Variants in R3HDM1 observed in about 807,000 individuals in gnomAD.
The protein encoded by R3HDM1 is R3H domain containing 1.
A neutral mutation model predicts 141.1 loss-of-function variants in R3HDM1; 46 were observed. That is an observed-to-expected ratio of 0.33 (90% CI 0.26 to 0.42). R3HDM1 has a LOEUF of 0.42. Ranked by LOEUF, R3HDM1 falls within the 10% of genes least tolerant of loss-of-function variation. The probability of loss-of-function intolerance (pLI) is 1.00; values close to 1 mark genes in which losing one functional copy is unlikely to be tolerated. For synonymous variants in R3HDM1, 435 were observed against 472.9 expected (o/e 0.92, Z 1.04); for missense variants, 1,184 against 1,368.3 (o/e 0.87, Z 2.12).
chr2:135,590,946 G>A (rs919743057), intron 1 of R3HDM1, among the ~76,000 whole-genome samples: 1 of 152,128 alleles, frequency 6.6e-6, no homozygotes, highest in Non-Finnish European at 1.5e-5. Context: ...CTTGAGAGAG[G>A]GCTGTGATCC....
rs773772300 is a variant in R3HDM1 at position 135,639,106 on chromosome 2, C to T, written c.1203C>T (p.Gly401=). The part of the protein sequence containing the change: ...GDSSGSSKSI[G]RLSKTGSESS... ...GTTCTGGAAGCAGCAAAAGCATAGG[C>T]AGGCTTTCAAAAACAGGTATAAATA... The change falls in exon 14 of 27, where the codon GGC becomes GGT. Residue 401 remains glycine, a synonymous_variant. Transcript: ENST00000683871. 5.6e-6 allele frequency: 9 copies of T among 1,613,844 alleles called. No homozygotes were observed. Among genetic ancestry groups the T allele is most frequent in the South Asian group, 3.3e-5 (3 of 91,060 alleles).
At chr2:135,574,966 A>G (rs1705046354) in intron 1 of R3HDM1, among the ~76,000 whole-genome samples, 1 of 152,190 alleles carries the variant, frequency 6.6e-6, no homozygotes, top group Non-Finnish European at 1.5e-5. Context: ...GTATTAACCA[A>G]TATAGTTAGA....
intron 2 of R3HDM1, among the ~76,000 whole-genome samples, chr2:135,604,317 A>G (rs925920247): frequency 5.9e-5 from 9 of 152,200 alleles, no homozygotes; most frequent in Admixed American, 6.5e-5. Context: ...GGAGAAAAAG[A>G]TTTCTAATGT....
At chr2:135,670,882 A>T (rs529959029) in intron 19 of R3HDM1, among the ~76,000 whole-genome samples, 2 of 152,060 alleles carry the variant, frequency 1.3e-5, no homozygotes. Context: ...AACATGGCGA[A>T]ACCCTGAATC....
chr2:135,553,675 G>A (rs1241027220), intron 1 of R3HDM1, among the ~76,000 whole-genome samples: 1 of 152,102 alleles, frequency 6.6e-6, no homozygotes, highest in Non-Finnish European at 1.5e-5. Context: ...TGAGGTTTTT[G>A]TATGTGTTTT....
chr2:135,592,074 C>T (rs1406011294), intron 1 of R3HDM1, among the ~76,000 whole-genome samples: 2 of 152,204 alleles, frequency 1.3e-5, no homozygotes, highest in African/African-American at 4.8e-5. Context: ...AGCCTCACTT[C>T]CTTCCTTGGA....
At chr2:135,704,129 C>A (rs1346941451) in intron 21 of R3HDM1, among the ~76,000 whole-genome samples, 3 of 152,118 alleles carry the variant, frequency 2.0e-5, no homozygotes, top group Admixed American at 2.0e-4. Flanking sequence ...TACAGGCACC[C>A]ACCACCACGC....
At chr2:135,616,300 A>G (rs2061011357) in intron 4 of R3HDM1, 107 bp downstream of exon 4, 3 of 1,143,938 alleles carry the variant, frequency 2.6e-6, no homozygotes, top group African/African-American at 1.6e-5. Context: ...TCCATATTTT[A>G]TGGGGGGCAG....
intron 1 of R3HDM1, chr2:135,576,956 C>A: frequency 2.9e-6 from 1 of 347,800 alleles, no homozygotes; most frequent in Non-Finnish European, 4.0e-6. Flanking sequence ...TATGAATATA[C>A]TAAAAGCCAC....
intron 1 of R3HDM1, among the ~76,000 whole-genome samples, chr2:135,554,251 A>G (rs1700321772): frequency 6.6e-6 from 1 of 152,192 alleles, no homozygotes. Flanking sequence ...GACATTTCAT[A>G]TATGTGTAAT....
At chr2:135,617,540 T>C (rs1033591709) in intron 5 of R3HDM1, among the ~76,000 whole-genome samples, 5 of 152,090 alleles carry the variant, frequency 3.3e-5, no homozygotes, top group African/African-American at 4.8e-5. Flanking sequence ...TTAATAGTTA[T>C]CTAGTATTTC....
intron 5 of R3HDM1, among the ~76,000 whole-genome samples, chr2:135,617,157 A>G (rs919041410): frequency 6.6e-6 from 1 of 151,946 alleles, no homozygotes; most frequent in African/African-American, 2.4e-5. Flanking sequence ...CCCCATCTCT[A>G]CTAAAAAAAA....
At chr2:135,615,652 G>A (rs2060955733) in intron 3 of R3HDM1, among the ~76,000 whole-genome samples, 1 of 152,146 alleles carries the variant, frequency 6.6e-6, no homozygotes, top group Non-Finnish European at 1.5e-5. Flanking sequence ...AACTGGTGGT[G>A]TACTTTATAC....
chr2:135,534,195 A>T (rs755492790), intron 1 of R3HDM1, among the ~76,000 whole-genome samples: 1 of 152,228 alleles, frequency 6.6e-6, no homozygotes, highest in African/African-American at 2.4e-5. Flanking sequence ...GGGAATAAAA[A>T]TTAGTGTACT....
intron 1 of R3HDM1, among the ~76,000 whole-genome samples, chr2:135,600,103 A>ATTTTTTTTTTTTTTT (rs1047714227): frequency 1.1e-5 from 1 of 93,476 alleles, no homozygotes; most frequent in Non-Finnish European, 1.9e-5. Context: ...AGTTCGTATG[A>ATTTTTTTTTTTTTTT]TTTTTTTTTT....
chr2:135,713,456 A>T (rs2075872540), intron 23 of R3HDM1, among the ~76,000 whole-genome samples: 1 of 152,208 alleles, frequency 6.6e-6, no homozygotes, highest in African/African-American at 2.4e-5. Context: ...GTAGAATTTG[A>T]TCCACAGATA....
intron 16 of R3HDM1, chr2:135,649,423 T>A (rs911931783): frequency 4.6e-5 from 7 of 152,178 alleles, no homozygotes; most frequent in African/African-American, 1.7e-4. Flanking sequence ...TTTCACCTTA[T>A]CAGTAGGGTA....
intron 17 of R3HDM1, chr2:135,650,379 G>A: frequency 1.0e-6 from 1 of 984,886 alleles, no homozygotes; most frequent in Non-Finnish European, 1.2e-6. Flanking sequence ...TGTAGCTCCA[G>A]TAGACCCAGT....
chr2:135,610,166 C>T (rs1188468677), intron 3 of R3HDM1, among the ~76,000 whole-genome samples: 1 of 152,144 alleles, frequency 6.6e-6, no homozygotes, highest in Non-Finnish European at 1.5e-5. Context: ...TCAACTTTCC[C>T]ATTCTTTTAC....
Sources: allele counts gnomAD v4.1 joint callset (sites outside exome capture counted in the v4.1 genomes callset), GRCh38; gene constraint gnomAD v4.1.1; transcripts MANE v1.5; gene names NCBI Gene and HGNC (gene_info 2026-07-23, HGNC 2026-07-21).